The following HIRA variants were observed in gnomAD, a reference collection of about 807,000 sequenced individuals.
HIRA encodes histone cell cycle regulator, also known as protein HIRA.
A neutral mutation model predicts 126.6 loss-of-function variants in HIRA; 13 were observed. The ratio of observed to expected loss-of-function variants is 0.10; its 90% CI spans 0.07 to 0.16. The LOEUF is 0.16. HIRA is among the 10% of genes least tolerant of loss of function. The pLI, the probability that HIRA is intolerant of heterozygous loss-of-function variation, is 1.00. For missense variants in HIRA, 834 were observed against 1,314.4 expected (o/e 0.63, Z 5.65); for synonymous variants, 511 against 520.0 (o/e 0.98, Z 0.24).
intron 1 of HIRA, among the ~76,000 whole-genome samples, chr22:19,413,424 G>A (rs540410406): frequency 2.6e-4 from 39 of 152,106 alleles, no homozygotes; most frequent in African/African-American, 9.2e-4. Context: ...GAGAAGGCGT[G>A]CCTGGTTCAT....
chr22:19,384,736 T>C lies in HIRA; in HGVS notation c.1329+785A>G, dbSNP rs562690832. 1.6e-4 allele frequency among the ~76,000 whole-genome samples: 24 copies of C among 151,744 alleles called. No homozygotes were observed. In the South Asian group the frequency reaches 4.4e-3, roughly 28 times the overall value. The stretch of plus-strand genomic sequence containing the variant: ...GTGGCGCAGTCTCGGCACACTGCAA[T>C]ATCTGCTTCCCGGGTTTAAGCAATT... On this transcript the variant is annotated intron_variant, in intron 12 of 24. Coordinates refer to ENST00000263208, the MANE Select transcript of HIRA (RefSeq NM_003325.4).
chr22:19,367,881 C>T (rs115866945), intron 15 of HIRA, among the ~76,000 whole-genome samples: 3,186 of 152,222 alleles, frequency 0.021, 114 homozygotes, highest in African/African-American at 0.069. Flanking sequence ...TACAGAGGGG[C>T]GCCTGTACTT....
intron 20 of HIRA, 28 bp from the exon 21 acceptor site, chr22:19,355,893 G>T: frequency 6.8e-7 from 1 of 1,480,902 alleles, no homozygotes; most frequent in East Asian, 2.3e-5. Context: ...ATGAGTTCTG[G>T]GTGTGCTCTG....
intron 5 of HIRA, among the ~76,000 whole-genome samples, chr22:19,398,756 C>A (rs879848642): frequency 6.6e-6 from 1 of 152,172 alleles, no homozygotes; most frequent in Non-Finnish European, 1.5e-5. Context: ...GTGGGCAGAT[C>A]GCTTGAGCCC....
chr22:19,410,635 C>A (rs2089344867), intron 2 of HIRA, 81 bp downstream of exon 2: 3 of 988,950 alleles, frequency 3.0e-6, no homozygotes, highest in Admixed American at 3.8e-5. Flanking sequence ...CAAGTATTCC[C>A]TCTACAGCTA....
intron 1 of HIRA, among the ~76,000 whole-genome samples, chr22:19,426,533 C>T (rs2089489661): frequency 2.0e-5 from 3 of 152,204 alleles, no homozygotes; most frequent in South Asian, 4.1e-4. Flanking sequence ...AAGTGCCCTT[C>T]CTCCTTGGGC....
intron 1 of HIRA, among the ~76,000 whole-genome samples, chr22:19,429,133 C>CTTTTTTTTTTTTTTTTT (rs57853722): frequency 1.3e-5 from 1 of 77,242 alleles, no homozygotes; most frequent in Non-Finnish European, 2.3e-5. Flanking sequence ...GTTGCCATAT[C>CTTTTTTTTTTTTTTTTT]TTTTTTTTTT....
chr22:19,367,098 A>T (rs1203122254), intron 15 of HIRA, among the ~76,000 whole-genome samples: 1 of 152,062 alleles, frequency 6.6e-6, no homozygotes, highest in African/African-American at 2.4e-5. Context: ...TGCCATCGAA[A>T]TCCTTTTTGT....
In HIRA at chr22:19,377,911, G is replaced by A. The variant is rs1315665496; in HGVS notation, c.1571C>T (p.Ala524Val). ...ATCGCCTGCAGGTCTGGCACTGGCA[G>A]CCACCACAGGCTCTGTGCAAGGCTT... ...ASKPCTEPVV[A>V]ASARPAGDSV... The change falls in exon 14 of 25, where the codon GCT (alanine) becomes GTT (valine). Residue 524 changes from alanine to valine, a missense_variant. Ala to Val is a moderately conservative substitution (Grantham distance 64). This residue lies in a region of HIRA where 468 missense variants were observed against 574.2 expected (regional missense o/e 0.82). Coordinates refer to ENST00000263208, the MANE Select transcript of HIRA (RefSeq NM_003325.4). 1 of 1,613,284 alleles carries A rather than the reference G, an allele frequency of 6.2e-7. No homozygotes were observed. The highest frequency in any genetic ancestry group is 2.2e-5 in the East Asian group (1 of 44,852).
chr22:19,371,259 T>C (rs5746727), intron 15 of HIRA, among the ~76,000 whole-genome samples: 20,800 of 152,176 alleles, frequency 0.14, 2,842 homozygotes, highest in African/African-American at 0.35. Context: ...GACTCCTCTC[T>C]ATTGCCCTGT....
intron 1 of HIRA, 92 bp from the exon 2 acceptor site, chr22:19,410,870 G>T: frequency 1.0e-6 from 1 of 995,794 alleles, no homozygotes; most frequent in Non-Finnish European, 1.6e-6. Context: ...AGTCTAAACT[G>T]CTAGAAGATT....
intron 1 of HIRA, among the ~76,000 whole-genome samples, chr22:19,428,392 T>C (rs1434825797): frequency 1.3e-5 from 2 of 152,188 alleles, no homozygotes; most frequent in Non-Finnish European, 2.9e-5. Context: ...AGGCCAAGGA[T>C]ACTAGAAACA....
intron 5 of HIRA, chr22:19,398,952 G>C (rs979557801): frequency 1.0e-5 from 2 of 195,618 alleles, no homozygotes; most frequent in Non-Finnish European, 1.9e-5. Context: ...CTGGGCAACA[G>C]AGTAAGACCC....
At position 19,396,963 on chromosome 22, in the gene HIRA, G is replaced by C; in HGVS notation, c.494-16C>G. ...GCTAGAATTTCTGTGAAGAAAAAAG[G>C]AATGTGGAGAGGTGTTGTCTGAGGG... On this transcript the variant is annotated splice_polypyrimidine_tract_variant and intron_variant, in intron 6 of 24. Transcript: ENST00000263208. 1 of 1,613,396 alleles carries C rather than the reference G, an allele frequency of 6.2e-7. No homozygotes were observed. The highest frequency in any genetic ancestry group is 8.5e-7 in the Non-Finnish European group (1 of 1,179,502).
intron 5 of HIRA, among the ~76,000 whole-genome samples, chr22:19,405,176 T>C (rs2146239351): frequency 6.6e-6 from 1 of 152,262 alleles, no homozygotes; most frequent in East Asian, 1.9e-4. Context: ...ACACCAAGAC[T>C]TTCTCACTTA....
intron 15 of HIRA, among the ~76,000 whole-genome samples, chr22:19,362,566 AT>A (rs995093333): frequency 3.0e-4 from 45 of 149,346 alleles, no homozygotes; most frequent in Middle Eastern, 3.5e-3. Context: ...TTTTATTATC[AT>A]TTTTTTTTTG....
At chr22:19,343,099 A>C (rs2088649382) in intron 24 of HIRA, among the ~76,000 whole-genome samples, 1 of 151,416 alleles carries the variant, frequency 6.6e-6, no homozygotes, top group African/African-American at 2.4e-5. Flanking sequence ...CTCAGGGGGA[A>C]GGGTGAAGAG....
At chr22:19,408,743 T>C (rs1014433114) in intron 2 of HIRA, 150 bp from the exon 3 acceptor site, 9 of 570,950 alleles carry the variant, frequency 1.6e-5, no homozygotes, top group Non-Finnish European at 2.8e-5. Flanking sequence ...AAATTACTAA[T>C]TTAAGTTACA....
intron 24 of HIRA, among the ~76,000 whole-genome samples, chr22:19,349,246 A>C (rs1051204057): frequency 6.6e-6 from 1 of 151,996 alleles, no homozygotes; most frequent in Admixed American, 6.6e-5. Flanking sequence ...CTGGGATTAC[A>C]GGAGTGTGCC....
Sources: allele counts gnomAD v4.1 joint callset (sites outside exome capture counted in the v4.1 genomes callset), GRCh38; gene constraint gnomAD v4.1.1; regional missense constraint gnomAD v4.1.1; transcripts MANE v1.5; gene names NCBI Gene and HGNC (gene_info 2026-07-23, HGNC 2026-07-21).